The following FTO variants were observed in gnomAD, a reference collection of about 807,000 sequenced individuals.
The protein encoded by FTO is FTO alpha-ketoglutarate dependent dioxygenase, also known as alpha-ketoglutarate-dependent dioxygenase FTO.
A neutral mutation model predicts 63.9 loss-of-function variants in FTO; 47 were observed. That is an observed-to-expected ratio of 0.74 (90% CI 0.58 to 0.94). FTO has a LOEUF of 0.94. Ranked by LOEUF, FTO falls within the 40% of genes least tolerant of loss-of-function variation. FTO has a pLI of 0.00. For missense variants in FTO, 562 were observed against 618.1 expected, an observed-to-expected ratio of 0.91 and a Z score of 0.96; for synonymous variants, 207 against 224.4, an observed-to-expected ratio of 0.92 and a Z score of 0.69.
chr16:53,738,541 G>A (rs1478473651), intron 1 of FTO, among the ~76,000 whole-genome samples: 2 of 152,114 alleles, frequency 1.3e-5, no homozygotes, highest in African/African-American at 2.4e-5. Flanking sequence ...TATGAAAAAC[G>A]CTTCTATAAA....
chr16:53,837,714 CTG>C (rs140236243), intron 3 of FTO, among the ~76,000 whole-genome samples: 18,119 of 152,210 alleles, frequency 0.12, 1,307 homozygotes, highest in Middle Eastern at 0.18. Context: ...AGTCCATCAG[CTG>C]TGTTTCCTAA....
intron 2 of FTO, among the ~76,000 whole-genome samples, chr16:53,821,170 G>A (rs2078859069): frequency 6.6e-6 from 1 of 152,148 alleles, no homozygotes; most frequent in Non-Finnish European, 1.5e-5. Flanking sequence ...TTGTGCATAT[G>A]AGTGCATTAT....
At chr16:53,871,503 A>G (rs1178331221) in intron 4 of FTO, among the ~76,000 whole-genome samples, 3 of 152,112 alleles carry the variant, frequency 2.0e-5, no homozygotes, top group Non-Finnish European at 4.4e-5. Context: ...CTTCACTTAT[A>G]TATATATATG....
At chr16:54,028,971 T>C (rs1409887855) in intron 8 of FTO, among the ~76,000 whole-genome samples, 3 of 152,304 alleles carry the variant, frequency 2.0e-5, no homozygotes, top group Non-Finnish European at 4.4e-5. Flanking sequence ...AATATTAACA[T>C]TGTATCATCC....
At chr16:53,724,667 T>TC (rs2076112408) in intron 1 of FTO, among the ~76,000 whole-genome samples, 1 of 152,174 alleles carries the variant, frequency 6.6e-6, no homozygotes, top group South Asian at 2.1e-4. Context: ...TTGCCATTAT[T>TC]CCCCCCAGTA....
intron 1 of FTO, among the ~76,000 whole-genome samples, chr16:53,738,171 C>T (rs1420660622): frequency 7.9e-5 from 12 of 151,912 alleles, no homozygotes; most frequent in Admixed American, 3.3e-4. Context: ...TACAAGCATG[C>T]GCCACCACGC....
At chr16:53,851,285 TAAA>T (rs571720201) in intron 4 of FTO, among the ~76,000 whole-genome samples, 9,421 of 103,142 alleles carry the variant, frequency 0.091, 950 homozygotes, top group East Asian at 0.41. Flanking sequence ...CCACCTCTAC[TAAA>T]AAAAAAAAAA....
At chr16:53,806,114 C>A (rs2078359872) in intron 1 of FTO, among the ~76,000 whole-genome samples, 1 of 152,210 alleles carries the variant, frequency 6.6e-6, no homozygotes, top group South Asian at 2.1e-4. Flanking sequence ...GCATTTGACA[C>A]AAAGAAAATT....
chr16:53,705,315 A>G (rs997837860), intron 1 of FTO, among the ~76,000 whole-genome samples: 1 of 152,200 alleles, frequency 6.6e-6, no homozygotes, highest in African/African-American at 2.4e-5. Context: ...CACATTGCCT[A>G]CAAGATCCTG....
chr16:53,872,042 T>TA (rs2080515158), intron 4 of FTO, among the ~76,000 whole-genome samples: 1 of 152,168 alleles, frequency 6.6e-6, no homozygotes, highest in Admixed American at 6.6e-5. Flanking sequence ...TTGGATCCTT[T>TA]TGAGGCTTAG....
At chr16:53,730,405 A>G (rs2076245014) in intron 1 of FTO, among the ~76,000 whole-genome samples, 1 of 152,008 alleles carries the variant, frequency 6.6e-6, no homozygotes, top group Non-Finnish European at 1.5e-5. Context: ...AGTAAATTTC[A>G]TATTTTTTCT....
At chr16:54,042,618 G>T (rs1197863403) in intron 8 of FTO, among the ~76,000 whole-genome samples, 1 of 58,880 alleles carries the variant, frequency 1.7e-5, no homozygotes, top group Non-Finnish European at 2.7e-5. Flanking sequence ...GCTCAAGGAG[G>T]CCTGCCTGCC....
At chr16:54,013,902 G>A (rs957743392) in intron 8 of FTO, among the ~76,000 whole-genome samples, 1 of 152,152 alleles carries the variant, frequency 6.6e-6, no homozygotes, top group Non-Finnish European at 1.5e-5. Flanking sequence ...AACTGAACCT[G>A]CAATATTGTC....
chr16:53,856,547 C>T (rs561487421), intron 4 of FTO, among the ~76,000 whole-genome samples: 15 of 151,976 alleles, frequency 9.9e-5, no homozygotes, highest in South Asian at 2.1e-4. Flanking sequence ...GTCAGGAGTT[C>T]GAGACCAGCC....
intron 4 of FTO, among the ~76,000 whole-genome samples, chr16:53,844,571 T>C (rs1236533470): frequency 6.6e-6 from 1 of 152,118 alleles, no homozygotes; most frequent in Non-Finnish European, 1.5e-5. Flanking sequence ...GCAATTCTCC[T>C]TCCTCAGCCT....
At chr16:53,751,327 C>G (rs140226823) in intron 1 of FTO, among the ~76,000 whole-genome samples, 4 of 151,968 alleles carry the variant, frequency 2.6e-5, no homozygotes, top group African/African-American at 7.3e-5. Context: ...GCGTGGTGGC[C>G]GGTGCCTGTA....
At chr16:53,874,880 T>C (rs1208246910) in intron 5 of FTO, among the ~76,000 whole-genome samples, 1 of 152,304 alleles carries the variant, frequency 6.6e-6, no homozygotes, top group East Asian at 1.9e-4. Flanking sequence ...GAGTGCCTGT[T>C]ATGTGTCCAA....
Position 53,773,525 on chromosome 16 carries a change from C to T in FTO, c.46-36615C>T, listed in dbSNP as rs2077391478. 2.0e-5 allele frequency among the ~76,000 whole-genome samples: 3 copies of T among 152,116 alleles called. No homozygotes were observed. The South Asian group carries it at 6.2e-4, about 31-fold the overall frequency. ...ACCTCTTGTGGTCATGGCCTGTTAA[C>T]TATGCTTATTTGGTGTAATAATTAG... On this transcript the variant is annotated intron_variant, in intron 1 of 8. Transcript: ENST00000471389.
At chr16:53,790,637 A>G (rs1344194584) in intron 1 of FTO, among the ~76,000 whole-genome samples, 2 of 151,328 alleles carry the variant, frequency 1.3e-5, no homozygotes, top group African/African-American at 4.8e-5. Flanking sequence ...AAAGAAAAAT[A>G]TTGACTTTGA....
Sources: gnomAD v4.1 joint callset for allele counts (sites outside exome capture counted in the v4.1 genomes callset) on GRCh38, gnomAD v4.1.1 for gene constraint, MANE v1.5 for transcripts, NCBI Gene and HGNC (gene_info 2026-07-23, HGNC 2026-07-21) for gene names.